Variants in RAB3C observed in about 807,000 individuals in gnomAD.
RAB3C encodes RAB3C, member RAS oncogene family, also known as ras-related protein Rab-3C.
RAB3C carries 17 observed loss-of-function variants against 26.4 expected under a neutral mutation model. The ratio of observed to expected loss-of-function variants is 0.64; its 90% confidence interval spans 0.44 to 0.97. The LOEUF is 0.97. RAB3C is among the 50% of genes least tolerant of loss of function. The pLI is 0.00. For synonymous variants in RAB3C, 91 were observed against 95.9 expected (o/e 0.95, Z 0.30); for missense variants, 242 against 281.9 (o/e 0.86, Z 1.01).
intron 2 of RAB3C, among the ~76,000 whole-genome samples, chr5:58,706,124 G>A (rs1216829386): frequency 6.6e-6 from 1 of 152,152 alleles, no homozygotes. Flanking sequence ...TAGTGTAAAG[G>A]AGATGGCAAG....
At chr5:58,626,028 A>G (rs1747043925) in intron 2 of RAB3C, among the ~76,000 whole-genome samples, 1 of 152,172 alleles carries the variant, frequency 6.6e-6, no homozygotes, top group Non-Finnish European at 1.5e-5. Context: ...CATAAGGGAA[A>G]AAAAGAACAT....
At chr5:58,623,448 A>G (rs1450247607) in intron 2 of RAB3C, among the ~76,000 whole-genome samples, 1 of 152,234 alleles carries the variant, frequency 6.6e-6, no homozygotes, top group Non-Finnish European at 1.5e-5. Context: ...GACAGCTGCC[A>G]AGACCATTCT....
chr5:58,779,959 A>G (rs1351988345), intron 3 of RAB3C, among the ~76,000 whole-genome samples: 3 of 152,094 alleles, frequency 2.0e-5, no homozygotes, highest in African/African-American at 7.2e-5. Flanking sequence ...TTTTGCACAG[A>G]GGAAGGGAGA....
chr5:58,828,716 C>T (rs1207946488), intron 4 of RAB3C, among the ~76,000 whole-genome samples: 1 of 152,148 alleles, frequency 6.6e-6, no homozygotes, highest in African/African-American at 2.4e-5. Flanking sequence ...CCAACTCAGA[C>T]CTGCTGCATC....
intron 2 of RAB3C, among the ~76,000 whole-genome samples, chr5:58,713,350 T>C (rs1022647791): frequency 7.2e-5 from 11 of 152,234 alleles, no homozygotes; most frequent in African/African-American, 2.7e-4. Flanking sequence ...TGGGCTTTTG[T>C]GTAAAAAATT....
chr5:58,698,721 A>G (rs1461842796), intron 2 of RAB3C, among the ~76,000 whole-genome samples: 2 of 152,108 alleles, frequency 1.3e-5, no homozygotes, highest in African/African-American at 2.4e-5. Context: ...CAAGTTGGCT[A>G]TTGAAGCTTG....
At chr5:58,633,001 T>C (rs1452222874) in intron 2 of RAB3C, among the ~76,000 whole-genome samples, 1 of 152,222 alleles carries the variant, frequency 6.6e-6, no homozygotes, top group Non-Finnish European at 1.5e-5. Flanking sequence ...TCTAATACTA[T>C]CTCTGTCTCA....
At chr5:58,822,130 G>T (rs1743356272) in intron 3 of RAB3C, among the ~76,000 whole-genome samples, 1 of 152,116 alleles carries the variant, frequency 6.6e-6, no homozygotes, top group Non-Finnish European at 1.5e-5. Context: ...TATAAAGGGA[G>T]AATTAAAAAA....
chr5:58,835,084 T>C (rs1743707861), intron 4 of RAB3C, among the ~76,000 whole-genome samples: 1 of 152,154 alleles, frequency 6.6e-6, no homozygotes, highest in Non-Finnish European at 1.5e-5. Context: ...ATGGTATGGT[T>C]ATCCAATCCA....
At chr5:58,815,397 C>T (rs1483365433) in intron 3 of RAB3C, among the ~76,000 whole-genome samples, 1 of 152,192 alleles carries the variant, frequency 6.6e-6, no homozygotes, top group African/African-American at 2.4e-5. Flanking sequence ...TGCTAAGTAA[C>T]TCCTAAGATA....
chr5:58,840,915 T>G (rs1282459655), intron 4 of RAB3C, among the ~76,000 whole-genome samples: 1 of 152,240 alleles, frequency 6.6e-6, no homozygotes, highest in Non-Finnish European at 1.5e-5. Context: ...GGCACAAGCA[T>G]GCAATTGCTT....
intron 2 of RAB3C, among the ~76,000 whole-genome samples, chr5:58,720,325 G>T (rs1740721137): frequency 6.6e-6 from 1 of 151,842 alleles, no homozygotes; most frequent in Non-Finnish European, 1.5e-5. Context: ...AAAATAAATT[G>T]AATATATACC....
chr5:58,655,456 T>C (rs1747749363), intron 2 of RAB3C, among the ~76,000 whole-genome samples: 1 of 152,182 alleles, frequency 6.6e-6, no homozygotes, highest in Non-Finnish European at 1.5e-5. Context: ...TCTTTGATTG[T>C]CGTGTAATTG....
intron 2 of RAB3C, among the ~76,000 whole-genome samples, chr5:58,630,987 G>T (rs752823087): frequency 1.3e-5 from 2 of 152,178 alleles, no homozygotes; most frequent in Non-Finnish European, 2.9e-5. Flanking sequence ...TGGAAGCCAG[G>T]TCTGAGGCTC....
At chr5:58,615,405 C>T (rs1746802635) in intron 1 of RAB3C, among the ~76,000 whole-genome samples, 1 of 152,064 alleles carries the variant, frequency 6.6e-6, no homozygotes, top group Admixed American at 6.6e-5. Context: ...CATTTTTAGG[C>T]CTGTTTGAAT....
intron 2 of RAB3C, among the ~76,000 whole-genome samples, chr5:58,628,324 A>T (rs1747108712): frequency 6.6e-6 from 1 of 152,124 alleles, no homozygotes; most frequent in African/African-American, 2.4e-5. Flanking sequence ...GAGTTTAATG[A>T]TTTTACAAAG....
intron 2 of RAB3C, among the ~76,000 whole-genome samples, chr5:58,663,001 C>T (rs1747934833): frequency 6.7e-6 from 1 of 150,218 alleles, no homozygotes; most frequent in Non-Finnish European, 1.5e-5. Context: ...AATATAAGCA[C>T]GGAATTGCTT....
chr5:58,836,635 G>A (rs1743753812), intron 4 of RAB3C, among the ~76,000 whole-genome samples: 1 of 151,098 alleles, frequency 6.6e-6, no homozygotes, highest in African/African-American at 2.4e-5. Context: ...AATATGCACT[G>A]CTTAACTTTC....
At chr5:58,749,608 A>T (rs955639545) in intron 3 of RAB3C, among the ~76,000 whole-genome samples, 4 of 152,190 alleles carry the variant, frequency 2.6e-5, no homozygotes, top group African/African-American at 9.6e-5. Flanking sequence ...TTGTCAAAGG[A>T]TATGAATAAC....
Sources: allele counts gnomAD v4.1 joint callset (sites outside exome capture counted in the v4.1 genomes callset), GRCh38; gene constraint gnomAD v4.1.1; transcripts MANE v1.5; gene names NCBI Gene and HGNC (gene_info 2026-07-23, HGNC 2026-07-21).